HIVEP3: variants seen among roughly 807,000 people sequenced by gnomAD.
The protein encoded by HIVEP3 is transcription factor HIVEP3.
Under a neutral mutation model 152.8 loss-of-function variants are expected in HIVEP3, and 49 were observed. That is an observed-to-expected ratio of 0.32 (90% CI 0.26 to 0.41). The LOEUF is 0.41. Among genes scored for constraint, HIVEP3 ranks in the 10% least tolerant of loss-of-function variants. HIVEP3 has a pLI of 1.00. For synonymous variants in HIVEP3, 1,269 were observed against 1,289.0 expected (o/e 0.98, Z 0.33); for missense variants, 2,790 against 3,103.3 (o/e 0.90, Z 2.40).
In HIVEP3 at chr1:41,800,111, G is replaced by A. The variant is rs1319620269; in HGVS notation, c.-800-99116C>T. Among the ~76,000 whole-genome samples the A allele has an allele frequency of 2.6e-5, 4 of 152,196 alleles. No homozygotes were observed. The East Asian group carries it at 7.7e-4, about 29-fold the overall frequency. ...CTTCCTTAGAAGCCATTTCACGAAG[G>A]TTTCCAAAAGGAGGATTTTTATCTT... On this transcript the variant is annotated intron_variant, in intron 1 of 8. Coordinates refer to ENST00000372583, the MANE Select transcript of HIVEP3 (RefSeq NM_024503.5).
Position 41,995,302 on chromosome 1 carries a change from A to G in HIVEP3, n.119+40505T>C, listed in dbSNP as rs75712162. On this transcript the variant is annotated intron_variant and non_coding_transcript_variant, in intron 1 of 3. Transcript: ENST00000489103. ...CAGAGAAAATTAAGATTACCTTCAA[A>G]GAGTGTAGTTGTCTTCCCAGCAGAA... 4.9e-3 allele frequency among the ~76,000 whole-genome samples: 752 copies of G among 152,318 alleles called. 5 individuals are homozygous for G. Among genetic ancestry groups the G allele is most frequent in the African/African-American group, 0.017 (726 of 41,580 alleles).
intron 1 of HIVEP3, among the ~76,000 whole-genome samples, chr1:41,732,089 G>A (rs990907517): frequency 7.9e-5 from 12 of 152,296 alleles, no homozygotes; most frequent in Admixed American, 5.9e-4. Context: ...GGAATGACAG[G>A]TGCAGACCAG....
intron 1 of HIVEP3, among the ~76,000 whole-genome samples, chr1:41,896,188 C>T (rs1307641525): frequency 1.3e-5 from 2 of 152,144 alleles, no homozygotes; most frequent in Non-Finnish European, 2.9e-5. Flanking sequence ...CAGCAGTTTT[C>T]CACTCTGTAA....
At chr1:41,971,786 T>C (rs1645231117) in intron 1 of HIVEP3, among the ~76,000 whole-genome samples, 1 of 152,130 alleles carries the variant, frequency 6.6e-6, no homozygotes, top group African/African-American at 2.4e-5. Context: ...ACCCCCAATA[T>C]AACAGTATTA....
chr1:42,031,679 T>C (rs1645613524), intron 1 of HIVEP3, among the ~76,000 whole-genome samples: 1 of 152,152 alleles, frequency 6.6e-6, no homozygotes, highest in Non-Finnish European at 1.5e-5. Context: ...TAAAAAATAT[T>C]GAAAATACAA....
chr1:41,789,701 T>G (rs1649574750), intron 1 of HIVEP3, among the ~76,000 whole-genome samples: 1 of 152,172 alleles, frequency 6.6e-6, no homozygotes, highest in Non-Finnish European at 1.5e-5. Flanking sequence ...ACAGACTATT[T>G]GGGAGCTATT....
At chr1:41,870,790 T>A (rs889680909) in intron 1 of HIVEP3, among the ~76,000 whole-genome samples, 1 of 152,150 alleles carries the variant, frequency 6.6e-6, no homozygotes, top group African/African-American at 2.4e-5. Flanking sequence ...AGAAGCAGCA[T>A]AGGGTCATCG....
chr1:41,581,928 G>A lies in HIVEP3; in HGVS notation c.2870C>T (p.Ala957Val). Reference protein sequence around the residue: ...ASFERDDHGKAEAPSPSSDMR... With the variant: ...ASFERDDHGKVEAPSPSSDMR... ...GTCAGATGAGGGACTGGGGGCCTCGGCTTTCCCATGGTCATCCCTCTCAAA... is the reference window on the plus strand; with the variant it reads ...GTCAGATGAGGGACTGGGGGCCTCGACTTTCCCATGGTCATCCCTCTCAAA... Residue 957 changes from alanine (A) to valine (V), a missense_variant, in exon 4 of 9, where the codon GCC becomes GTC. This residue lies in a region of HIVEP3 where 1,078 missense variants were observed against 1,165.3 expected (regional missense o/e 0.93). Coordinates refer to ENST00000372583, the MANE Select transcript of HIVEP3 (RefSeq NM_024503.5). This position sits in a 1 kb window ranked among gnomAD's most constrained non-coding sequence, Gnocchi z 4.5. 1 of 1,614,170 alleles carries A rather than the reference G, an allele frequency of 6.2e-7. No individual in the cohort carries two copies. The highest frequency in any genetic ancestry group is 8.5e-7 in the Non-Finnish European group (1 of 1,180,024).
At chr1:41,805,564 G>C in intron 1 of HIVEP3, among the ~76,000 whole-genome samples, 1 of 152,168 alleles carries the variant, frequency 6.6e-6, no homozygotes, top group East Asian at 1.9e-4. Context: ...GCGTGTGCGT[G>C]GGAGATGATA....
chr1:41,993,062 G>A (rs1323912066), intron 1 of HIVEP3, among the ~76,000 whole-genome samples: 3 of 150,530 alleles, frequency 2.0e-5, no homozygotes, highest in African/African-American at 7.3e-5. Context: ...GAAAACCTAG[G>A]CAATACCATT....
intron 1 of HIVEP3, among the ~76,000 whole-genome samples, chr1:41,720,487 A>G (rs1361539781): frequency 6.6e-6 from 1 of 152,226 alleles, no homozygotes; most frequent in African/African-American, 2.4e-5. Flanking sequence ...AAAGCCTATT[A>G]TGTGTGATTC....
chr1:41,620,918 T>C (rs1645038108), intron 3 of HIVEP3, among the ~76,000 whole-genome samples: 1 of 152,180 alleles, frequency 6.6e-6, no homozygotes, highest in South Asian at 2.1e-4. Context: ...CTGTTCTTCT[T>C]CCACCTGCGG....
At position 41,637,640 on chromosome 1, in the gene HIVEP3, T is replaced by C. The variant is rs147873254; in HGVS notation, c.-720-8693A>G. On this transcript the variant is annotated intron_variant, in intron 2 of 8. Coordinates refer to ENST00000372583, the MANE Select transcript of HIVEP3 (RefSeq NM_024503.5). ...AAGCAAAATCACAGACACACATCTA[T>C]CTGTGTAGCTGTGACGGATGGAAAG... 1.8e-3 allele frequency among the ~76,000 whole-genome samples: 273 copies of C among 152,288 alleles called. 6 individuals are homozygous for C. In the East Asian group the frequency reaches 0.034, roughly 19 times the overall value.
chr1:41,682,238 C>A (rs1369720718), intron 2 of HIVEP3, among the ~76,000 whole-genome samples: 1 of 152,184 alleles, frequency 6.6e-6, no homozygotes, highest in Admixed American at 6.5e-5. Context: ...GTCTTTCAGG[C>A]CCATCCCCAC....
chr1:41,819,229 T>C (rs1642513650), intron 1 of HIVEP3, among the ~76,000 whole-genome samples: 1 of 152,206 alleles, frequency 6.6e-6, no homozygotes, highest in African/African-American at 2.4e-5. Flanking sequence ...ACTAATAAAA[T>C]GAATACACTT....
At chr1:42,026,917 A>G (rs1645585917) in intron 1 of HIVEP3, among the ~76,000 whole-genome samples, 1 of 152,156 alleles carries the variant, frequency 6.6e-6, no homozygotes, top group Admixed American at 6.5e-5. Context: ...AAGATCTACT[A>G]TCTCTGGGCT....
chr1:41,652,621 G>A (rs1370788816), intron 2 of HIVEP3, among the ~76,000 whole-genome samples: 2 of 152,166 alleles, frequency 1.3e-5, no homozygotes, highest in Non-Finnish European at 2.9e-5. Context: ...AAGGAGTCAG[G>A]TGAAGATCGG....
intron 1 of HIVEP3, among the ~76,000 whole-genome samples, chr1:41,801,970 G>T (rs1349788124): frequency 2.6e-5 from 4 of 152,162 alleles, no homozygotes; most frequent in Non-Finnish European, 4.4e-5. Flanking sequence ...TGGCCCACAG[G>T]TCCTACTGGG....
chr1:41,790,775 A>C (rs1649644370), intron 1 of HIVEP3, among the ~76,000 whole-genome samples: 1 of 152,112 alleles, frequency 6.6e-6, no homozygotes, highest in Non-Finnish European at 1.5e-5. Context: ...AGGCCTCAAC[A>C]ATGTGGCCCC....
Sources: allele counts gnomAD v4.1 joint callset (sites outside exome capture counted in the v4.1 genomes callset), GRCh38; gene constraint gnomAD v4.1.1; regional missense constraint gnomAD v4.1.1; non-coding constraint Gnocchi (gnomAD v3.1); transcripts MANE v1.5; gene names NCBI Gene and HGNC (gene_info 2026-07-23, HGNC 2026-07-21).